KDELR2: variants seen among roughly 807,000 people sequenced by gnomAD.
KDELR2 encodes ER lumen protein-retaining receptor 2.
KDELR2 carries 15 observed loss-of-function variants against 23.9 expected under a neutral mutation model. The ratio of observed to expected loss-of-function variants is 0.63; its 90% CI spans 0.42 to 0.97. The LOEUF is 0.97. Ranked by LOEUF, KDELR2 falls within the 50% of genes least tolerant of loss-of-function variation. The probability of loss-of-function intolerance (pLI) is 0.00; values close to 1 mark genes in which losing one functional copy is unlikely to be tolerated. For synonymous variants in KDELR2, 119 were observed against 106.2 expected, an observed-to-expected ratio of 1.12 and a Z score of -0.74; for missense variants, 272 against 254.6, an observed-to-expected ratio of 1.07 and a Z score of -0.46.
At chr7:6,469,784 C>G in intron 2 of KDELR2, 30 bp from the exon 3 acceptor site, 2 of 1,580,754 alleles carry the variant, frequency 1.3e-6, no homozygotes, top group Non-Finnish European at 1.7e-6. Flanking sequence ...CACCAGGTGT[C>G]AATACCTTGC....
At chr7:6,477,441 T>A (rs1258135493) in intron 1 of KDELR2, among the ~76,000 whole-genome samples, 3 of 152,202 alleles carry the variant, frequency 2.0e-5, no homozygotes, top group South Asian at 2.1e-4. Context: ...CCAGAGCAGC[T>A]CCTAGTCGGC....
chr7:6,474,172 G>A lies in KDELR2; in HGVS notation c.192+12C>T, dbSNP rs1373215696. The A allele has an allele frequency of 2.4e-5, 36 of 1,495,564 alleles. No homozygotes were observed. In the East Asian group the frequency reaches 8.1e-4, roughly 34 times the overall value. The allele number at this position is 1,495,564 out of a possible 1,614,324, so 92.6% of individuals were successfully genotyped here. ...GTAGATGAAATACATTCCTGTGGAT[G>A]GCATACCATACCTTCATAGATGTGT... On this transcript the variant is annotated intron_variant, in intron 2 of 4. Coordinates refer to ENST00000258739, the MANE Select transcript of KDELR2 (RefSeq NM_006854.4).
At position 6,461,120 on chromosome 7, in the gene KDELR2, G is replaced by C. The variant is rs1259915135; in HGVS notation, c.*2021C>G. On this transcript the variant is annotated 3_prime_UTR_variant, in exon 5 of 5. Transcript: ENST00000258739. ...ACCTGGTAACCTTTATTCGGGAAGTGAAAGTAACTGTGAAACAGTGCTTCA... is the reference window on the plus strand; with the variant it reads ...ACCTGGTAACCTTTATTCGGGAAGTCAAAGTAACTGTGAAACAGTGCTTCA... 1 of 152,198 alleles carries C rather than the reference G, an allele frequency of 6.6e-6. No individual in the cohort carries two copies. Among genetic ancestry groups the C allele is most frequent in the Non-Finnish European group, 1.5e-5 (1 of 68,042 alleles). The allele number at this position is 152,198 out of a possible 1,614,324, so 9.4% of individuals were successfully genotyped here.
chr7:6,477,621 A>G (rs1785782613), intron 1 of KDELR2, among the ~76,000 whole-genome samples: 1 of 152,202 alleles, frequency 6.6e-6, no homozygotes, highest in Non-Finnish European at 1.5e-5. Flanking sequence ...AAACAACATC[A>G]TTCTTGTCTT....
At chr7:6,469,529 C>T (rs1221002606) in intron 3 of KDELR2, 67 bp downstream of exon 3, 1 of 1,504,094 alleles carries the variant, frequency 6.6e-7, no homozygotes, top group Middle Eastern at 1.8e-4. Context: ...CCGCCTCGGC[C>T]TCCCAAAATG....
At chr7:6,471,066 G>C (rs1200878319) in intron 2 of KDELR2, among the ~76,000 whole-genome samples, 2 of 149,360 alleles carry the variant, frequency 1.3e-5, no homozygotes, top group African/African-American at 4.9e-5. Context: ...GCAGTGTGCC[G>C]AGATCTCGCC....
intron 2 of KDELR2, chr7:6,473,961 T>G: frequency 5.2e-6 from 2 of 382,508 alleles, no homozygotes. Context: ...TTCAAAGTAT[T>G]TTAATTAACT....
chr7:6,479,227 G>C (rs1479223481), intron 1 of KDELR2, among the ~76,000 whole-genome samples: 1 of 151,988 alleles, frequency 6.6e-6, no homozygotes, highest in African/African-American at 2.4e-5. Flanking sequence ...GTGTGATCAC[G>C]GCTCGCTGCA....
rs200179757 is a variant in KDELR2, at chr7:6,469,604, G to C, written c.343C>G (p.Pro115Ala). 1.2e-6 allele frequency: 2 copies of C among 1,613,718 alleles called. No homozygotes were observed. Among genetic ancestry groups the C allele is most frequent in the Admixed American group, 3.3e-5 (2 of 59,950 alleles). Reference protein sequence around the residue: ...LSFLVNHDFSPLEILWTFSIY... With the variant: ...LSFLVNHDFSALEILWTFSIY... ...TAACCTTTTAAACTAACCTCAAGAG[G>C]AGAGAAATCGTGATTAACTAAAAAT... The change falls in exon 3 of 5, where the codon CCT (proline) becomes GCT (alanine). Residue 115 changes from proline (P) to alanine (A), a missense_variant. Pro to Ala is a conservative substitution (Grantham distance 27). Coordinates refer to ENST00000258739, the MANE Select transcript of KDELR2 (RefSeq NM_006854.4).
At chr7:6,482,854 A>C (rs1054708866) in intron 1 of KDELR2, among the ~76,000 whole-genome samples, 15 of 142,428 alleles carry the variant, frequency 1.1e-4, no homozygotes, top group Non-Finnish European at 1.4e-4. Context: ...AAAAAAAAAA[A>C]GTTAGCCAGG....
intron 4 of KDELR2, among the ~76,000 whole-genome samples, chr7:6,464,150 T>C (rs1256209946): frequency 1.5e-5 from 2 of 129,174 alleles, no homozygotes; most frequent in African/African-American, 6.2e-5. Flanking sequence ...TGAGCCAAGA[T>C]TGTACCATTG....
At chr7:6,473,842 T>C (rs1011383328) in intron 2 of KDELR2, among the ~76,000 whole-genome samples, 2 of 152,236 alleles carry the variant, frequency 1.3e-5, no homozygotes, top group Admixed American at 6.5e-5. Flanking sequence ...CTGGGGACTC[T>C]GTAATTTCCC....
chr7:6,483,416 T>C (rs761364513), intron 1 of KDELR2, among the ~76,000 whole-genome samples: 1 of 152,148 alleles, frequency 6.6e-6, no homozygotes, highest in Non-Finnish European at 1.5e-5. Context: ...CCGACCCCAC[T>C]ACACCACACC....
At chr7:6,464,197 CAAAAAAAAAAAAAAAAAAAAAAAAA>C (rs758537707) in intron 4 of KDELR2, among the ~76,000 whole-genome samples, 4 of 38,762 alleles carry the variant, frequency 1.0e-4, no homozygotes, top group East Asian at 1.9e-3. Flanking sequence ...AACTCTGTCT[CAAAAAAAAAAAAAAAAAAAAAAAAA>C]AAAAAAAAAA....
intron 4 of KDELR2, among the ~76,000 whole-genome samples, chr7:6,464,180 A>T (rs1785449131): frequency 9.6e-6 from 1 of 104,578 alleles, no homozygotes; most frequent in Non-Finnish European, 1.8e-5. Flanking sequence ...CTGGGCAACA[A>T]GAGCAAAACT....
At chr7:6,478,204 A>G (rs1785795730) in intron 1 of KDELR2, among the ~76,000 whole-genome samples, 1 of 151,052 alleles carries the variant, frequency 6.6e-6, no homozygotes, top group Non-Finnish European at 1.5e-5. Flanking sequence ...TGCCCAACCC[A>G]GGGTATAATG....
intron 1 of KDELR2, among the ~76,000 whole-genome samples, chr7:6,476,014 G>A (rs1785743667): frequency 6.6e-6 from 1 of 152,172 alleles, no homozygotes; most frequent in Non-Finnish European, 1.5e-5. Context: ...CTGGGCTGAG[G>A]TGATCCTCCC....
chr7:6,470,540 A>G (rs1413672887), intron 2 of KDELR2: 1 of 152,226 alleles, frequency 6.6e-6, no homozygotes, highest in African/African-American at 2.4e-5. Flanking sequence ...GTGGGTTGGA[A>G]AATGAATACA....
At chr7:6,477,318 A>G (rs1466439300) in intron 1 of KDELR2, among the ~76,000 whole-genome samples, 1 of 152,192 alleles carries the variant, frequency 6.6e-6, no homozygotes, top group African/African-American at 2.4e-5. Context: ...TTCTTCCTTT[A>G]AAACAACAAA....
Sources: allele counts gnomAD v4.1 joint callset (sites outside exome capture counted in the v4.1 genomes callset), GRCh38; gene constraint gnomAD v4.1.1; transcripts MANE v1.5; gene names NCBI Gene and HGNC (gene_info 2026-07-23, HGNC 2026-07-21).